The following PDIA5 variants were observed in gnomAD, a reference collection of about 807,000 sequenced individuals.
The protein encoded by PDIA5 is protein disulfide-isomerase A5.
In PDIA5, 58 loss-of-function variants were observed where a neutral mutation model predicts 77.6. That is an observed-to-expected ratio of 0.75 (90% CI 0.61 to 0.93). The LOEUF is 0.93. PDIA5 is among the 40% of genes least tolerant of loss of function. PDIA5 has a pLI of 0.00. For missense variants in PDIA5, 630 were observed against 647.7 expected (o/e 0.97, Z 0.30); for synonymous variants, 250 against 252.1 (o/e 0.99, Z 0.08).
rs578007041 is a variant in PDIA5, at chr3:123,094,416, G to A, written c.257+1974G>A. 2.0e-5 allele frequency among the ~76,000 whole-genome samples: 3 copies of A among 152,326 alleles called. No homozygotes were observed. The South Asian group carries it at 6.2e-4, about 32-fold the overall frequency. On this transcript the variant is annotated intron_variant, in intron 3 of 16. Transcript: ENST00000316218. ...AGAACTCTGGGCTGTGGCCCATGTA[G>A]GCCACTCTAGGCGGCAGCTGTCACG...
intron 11 of PDIA5, among the ~76,000 whole-genome samples, chr3:123,133,005 G>A (rs1005622551): frequency 1.3e-4 from 20 of 152,230 alleles, no homozygotes; most frequent in Non-Finnish European, 2.2e-4. Flanking sequence ...GTTCCTGTCG[G>A]ATGGTAATAG....
chr3:123,094,436 G>A (rs1422002868), intron 3 of PDIA5, among the ~76,000 whole-genome samples: 1 of 152,204 alleles, frequency 6.6e-6, no homozygotes, highest in African/African-American at 2.4e-5. Flanking sequence ...GGCGGCAGCT[G>A]TCACGAACCA....
intron 11 of PDIA5, among the ~76,000 whole-genome samples, chr3:123,137,486 T>G (rs761729004): frequency 4.6e-5 from 7 of 152,356 alleles, no homozygotes; most frequent in African/African-American, 9.6e-5. Context: ...TATGGTGCCT[T>G]TCATTGTACA....
In PDIA5 at chr3:123,067,030, T is replaced by C. The variant is rs1048962618; in HGVS notation, c.-135T>C. On this transcript the variant is annotated 5_prime_UTR_variant, in exon 1 of 17. Coordinates refer to ENST00000316218, the MANE Select transcript of PDIA5 (RefSeq NM_006810.4). ...GCTGCTGCGCATGCTTTGGCAGACGTGGCACCGGGAACTCGGAGGCGGGGA... is the reference window on the plus strand; with the variant it reads ...GCTGCTGCGCATGCTTTGGCAGACGCGGCACCGGGAACTCGGAGGCGGGGA... The C allele has an allele frequency of 5.9e-6, 4 of 672,522 alleles. No individual in the cohort carries two copies. In the African/African-American group the frequency reaches 7.4e-5, roughly 12 times the overall value. The allele number at this position is 672,522 out of a possible 1,614,324, so 41.7% of individuals were successfully genotyped here.
chr3:123,075,137 C>G (rs905128777), intron 1 of PDIA5, among the ~76,000 whole-genome samples: 13 of 152,094 alleles, frequency 8.5e-5, no homozygotes, highest in Non-Finnish European at 8.8e-5. Context: ...CTCTTATTAG[C>G]GAGTTAAGTA....
chr3:123,158,772 T>G lies in PDIA5; in HGVS notation c.1345-2549T>G, dbSNP rs374384446. Among the ~76,000 whole-genome samples the G allele has an allele frequency of 4.6e-5, 7 of 152,324 alleles. No individual in the cohort carries two copies. The East Asian group carries it at 9.6e-4, about 21-fold the overall frequency. ...GCCCCAGGATTTGTACCAACCACCA[T>G]AGAACAAATTGAGAAATCGTAGGTG... On this transcript the variant is annotated intron_variant, in intron 15 of 16. Coordinates refer to ENST00000316218, the MANE Select transcript of PDIA5 (RefSeq NM_006810.4).
intron 5 of PDIA5, among the ~76,000 whole-genome samples, chr3:123,103,722 T>C (rs1026535950): frequency 6.6e-6 from 1 of 152,172 alleles, no homozygotes; most frequent in African/African-American, 2.4e-5. Context: ...GTTCACCTTA[T>C]ATAGGGACTC....
chr3:123,136,444 A>C (rs1410657540), intron 11 of PDIA5, among the ~76,000 whole-genome samples: 1 of 152,082 alleles, frequency 6.6e-6, no homozygotes. Flanking sequence ...CTACCTAAAC[A>C]ACAGGGGGTT....
At chr3:123,120,333 T>G (rs984229930) in intron 8 of PDIA5, among the ~76,000 whole-genome samples, 1 of 152,210 alleles carries the variant, frequency 6.6e-6, no homozygotes, top group Non-Finnish European at 1.5e-5. Context: ...TTTCTCCATC[T>G]GTAAAATGGA....
intron 1 of PDIA5, among the ~76,000 whole-genome samples, chr3:123,074,616 G>A (rs999277752): frequency 6.6e-6 from 1 of 152,190 alleles, no homozygotes; most frequent in Non-Finnish European, 1.5e-5. Flanking sequence ...CATAAATAGT[G>A]TTTCAGGATA....
At chr3:123,068,133 T>TA (rs1218888796) in intron 1 of PDIA5, among the ~76,000 whole-genome samples, 1 of 152,120 alleles carries the variant, frequency 6.6e-6, no homozygotes, top group Non-Finnish European at 1.5e-5. Flanking sequence ...TTCCATAACT[T>TA]ATGCGCTCCC....
intron 1 of PDIA5, among the ~76,000 whole-genome samples, chr3:123,087,418 T>C (rs1934170232): frequency 6.6e-6 from 1 of 151,918 alleles, no homozygotes; most frequent in Middle Eastern, 3.2e-3. Context: ...ATTCTCTTAT[T>C]TTTCTTAAGT....
intron 1 of PDIA5, among the ~76,000 whole-genome samples, chr3:123,070,536 A>G (rs1227950786): frequency 6.6e-6 from 1 of 152,234 alleles, no homozygotes; most frequent in Non-Finnish European, 1.5e-5. Flanking sequence ...CACGTGGGAC[A>G]GGTTAGTTCC....
intron 2 of PDIA5, among the ~76,000 whole-genome samples, chr3:123,091,676 T>A (rs1214279015): frequency 6.6e-6 from 1 of 152,222 alleles, no homozygotes; most frequent in African/African-American, 2.4e-5. Context: ...TCCCAAGGCA[T>A]GGTCCACATT....
intron 11 of PDIA5, among the ~76,000 whole-genome samples, chr3:123,137,977 ACT>A (rs1935541109): frequency 6.6e-6 from 1 of 152,032 alleles, no homozygotes; most frequent in African/African-American, 2.4e-5. Context: ...ACAGGGTCTC[ACT>A]CTGTCACCCA....
chr3:123,088,544 T>C (rs555030810), intron 1 of PDIA5, among the ~76,000 whole-genome samples: 2 of 152,328 alleles, frequency 1.3e-5, no homozygotes, highest in Admixed American at 1.3e-4. Context: ...ATGAGGAATA[T>C]GGACAGACAT....
At chr3:123,089,376 AG>A (rs1343379349) in intron 2 of PDIA5, 82 bp downstream of exon 2, 1 of 1,428,414 alleles carries the variant, frequency 7.0e-7, no homozygotes, top group African/African-American at 1.4e-5. Flanking sequence ...AGGAGACGTT[AG>A]GATGAAAACC....
At chr3:123,161,515 C>A (rs1936159808) in intron 16 of PDIA5, 60 bp downstream of exon 16, 3 of 1,565,536 alleles carry the variant, frequency 1.9e-6, no homozygotes. Flanking sequence ...AGGGAAACTT[C>A]CACTGAGGAG....
At chr3:123,132,299 T>A (rs1935388259) in intron 11 of PDIA5, among the ~76,000 whole-genome samples, 1 of 152,138 alleles carries the variant, frequency 6.6e-6, no homozygotes, top group African/African-American at 2.4e-5. Flanking sequence ...TATCCATGAG[T>A]TTGGCTAGCC....
Sources: allele counts gnomAD v4.1 joint callset (sites outside exome capture counted in the v4.1 genomes callset), GRCh38; gene constraint gnomAD v4.1.1; transcripts MANE v1.5; gene names NCBI Gene and HGNC (gene_info 2026-07-23, HGNC 2026-07-21).